The following THSD7B variants were observed in gnomAD, a reference collection of about 807,000 sequenced individuals.
THSD7B encodes thrombospondin type-1 domain-containing protein 7B.
A neutral mutation model predicts 213.6 loss-of-function variants in THSD7B; 138 were observed. The observed-to-expected ratio is 0.65, with a 90% CI of 0.56 to 0.74. The LOEUF (loss-of-function observed/expected upper bound fraction) is 0.74. THSD7B is among the 30% of genes least tolerant of loss of function. The pLI, the probability that THSD7B is intolerant of heterozygous loss-of-function variation, is 0.00. For missense variants in THSD7B, 1,931 were observed against 1,991.5 expected, an observed-to-expected ratio of 0.97 and a Z score of 0.58; for synonymous variants, 742 against 687.0, an observed-to-expected ratio of 1.08 and a Z score of -1.25.
At chr2:137,188,447 G>C in intron 7 of THSD7B, among the ~76,000 whole-genome samples, 1 of 151,970 alleles carries the variant, frequency 6.6e-6, no homozygotes, top group South Asian at 2.1e-4. Flanking sequence ...TTAGTTCCAG[G>C]GCCTCCTAAT....
At chr2:137,674,587 T>C (rs1228020747) in intron 27 of THSD7B, among the ~76,000 whole-genome samples, 1 of 152,152 alleles carries the variant, frequency 6.6e-6, no homozygotes. Context: ...CACTGGAACA[T>C]ACTTAGTATA....
At chr2:137,478,461 C>T (rs1688235762) in intron 15 of THSD7B, among the ~76,000 whole-genome samples, 1 of 152,058 alleles carries the variant, frequency 6.6e-6, no homozygotes, top group Non-Finnish European at 1.5e-5. Context: ...GTAAATTTCT[C>T]ATTCAATTGT....
At chr2:137,528,110 G>C (rs10210666) in intron 15 of THSD7B, among the ~76,000 whole-genome samples, 43,651 of 151,844 alleles carry the variant, frequency 0.29, 6,825 homozygotes, top group African/African-American at 0.41. Flanking sequence ...ACATCAAATT[G>C]ATGTTCAATT....
intron 15 of THSD7B, among the ~76,000 whole-genome samples, chr2:137,484,783 AT>A (rs1385902379): frequency 1.3e-5 from 1 of 79,528 alleles, no homozygotes; most frequent in Non-Finnish European, 2.5e-5. Context: ...GATGGTGAGC[AT>A]TTTTTCATGT....
At chr2:137,366,470 A>G (rs1685410536) in intron 12 of THSD7B, among the ~76,000 whole-genome samples, 1 of 152,138 alleles carries the variant, frequency 6.6e-6, no homozygotes. Context: ...ATGTGTATTC[A>G]GACTTTTGGG....
At chr2:136,819,488 A>C (rs530057203) in intron 1 of THSD7B, among the ~76,000 whole-genome samples, 1 of 152,276 alleles carries the variant, frequency 6.6e-6, no homozygotes, top group East Asian at 1.9e-4. Context: ...TTACTCAGGA[A>C]TAAGACTGGA....
rs78499997 is a variant in THSD7B, at chr2:137,349,626, C to T, written c.2501-55987C>T. 1.9e-3 allele frequency among the ~76,000 whole-genome samples: 283 copies of T among 151,964 alleles called. 2 individuals carry two copies. The East Asian group carries it at 0.022, about 12-fold the overall frequency. On this transcript the variant is annotated intron_variant, in intron 12 of 27. Coordinates refer to ENST00000409968, the MANE Select transcript of THSD7B (RefSeq NM_001316349.2). ...ACCCTGTTTTCAGTTACAGTTTAAA[C>T]GTAGGCTATTGCTATTGCTTGCTGT... is the stretch of plus-strand genomic sequence containing the variant.
At chr2:137,567,716 A>G (rs1339053697) in intron 16 of THSD7B, among the ~76,000 whole-genome samples, 1 of 152,192 alleles carries the variant, frequency 6.6e-6, no homozygotes, top group Non-Finnish European at 1.5e-5. Flanking sequence ...AACGTTAGGA[A>G]TAATGGCATA....
chr2:137,422,118 G>A (rs1461345399), intron 14 of THSD7B, among the ~76,000 whole-genome samples: 2 of 152,158 alleles, frequency 1.3e-5, no homozygotes, highest in Non-Finnish European at 2.9e-5. Context: ...TTCGCAGAGT[G>A]TTATTTTCTT....
intron 2 of THSD7B, among the ~76,000 whole-genome samples, chr2:137,020,173 A>T (rs1275006701): frequency 6.6e-6 from 1 of 152,194 alleles, no homozygotes; most frequent in African/African-American, 2.4e-5. Flanking sequence ...TAAAGGGCTT[A>T]TCAAGACCCT....
chr2:137,578,691 A>G (rs550444739), intron 17 of THSD7B, among the ~76,000 whole-genome samples: 12 of 152,212 alleles, frequency 7.9e-5, no homozygotes, highest in Non-Finnish European at 1.6e-4. Context: ...CAGCAGTGTT[A>G]CAATCACAAT....
intron 7 of THSD7B, among the ~76,000 whole-genome samples, chr2:137,178,288 T>A (rs13393093): frequency 0.38 from 58,090 of 151,666 alleles, 12,706 homozygotes; most frequent in Non-Finnish European, 0.48. Context: ...ACACGCAATA[T>A]GTGAGATGAG....
At chr2:136,860,549 A>G (rs1369318703) in intron 1 of THSD7B, among the ~76,000 whole-genome samples, 1 of 152,040 alleles carries the variant, frequency 6.6e-6, no homozygotes, top group Admixed American at 6.6e-5. Flanking sequence ...TATTCTTTCA[A>G]TTGCTTGTGT....
At chr2:136,881,497 C>T (rs1683622257) in intron 1 of THSD7B, among the ~76,000 whole-genome samples, 1 of 152,154 alleles carries the variant, frequency 6.6e-6, no homozygotes, top group Non-Finnish European at 1.5e-5. Context: ...TAAAGACTAT[C>T]TTCATGGCAA....
intron 5 of THSD7B, among the ~76,000 whole-genome samples, chr2:137,150,145 G>A (rs1249918655): frequency 6.6e-6 from 1 of 151,906 alleles, no homozygotes; most frequent in African/African-American, 2.4e-5. Flanking sequence ...TGGAGGCTGA[G>A]GCAGGAGAAT....
intron 1 of THSD7B, among the ~76,000 whole-genome samples, chr2:136,801,009 A>G (rs1682168648): frequency 6.6e-6 from 1 of 151,930 alleles, no homozygotes; most frequent in Admixed American, 6.6e-5. Context: ...TGCCAGGTAG[A>G]CCTGGAGTTT....
intron 12 of THSD7B, among the ~76,000 whole-genome samples, chr2:137,359,313 G>A (rs1685202042): frequency 6.6e-6 from 1 of 152,234 alleles, no homozygotes; most frequent in Non-Finnish European, 1.5e-5. Flanking sequence ...TTGATGAATT[G>A]CATTTGAAAA....
chr2:137,251,418 A>G (rs1017493931), intron 10 of THSD7B, among the ~76,000 whole-genome samples: 5 of 152,142 alleles, frequency 3.3e-5, no homozygotes, highest in African/African-American at 1.2e-4. Flanking sequence ...AAGTTGTATG[A>G]CTATCTCAGG....
At chr2:137,057,380 T>A in intron 3 of THSD7B, 150 bp downstream of exon 3, 3 of 809,824 alleles carry the variant, frequency 3.7e-6, no homozygotes, top group Non-Finnish European at 5.7e-6. Context: ...AATTTTTAAT[T>A]TCACTGGGAG....
Sources: gnomAD v4.1 joint callset for allele counts (sites outside exome capture counted in the v4.1 genomes callset) on GRCh38, gnomAD v4.1.1 for gene constraint, MANE v1.5 for transcripts, NCBI Gene and HGNC (gene_info 2026-07-23, HGNC 2026-07-21) for gene names.